MIR2052HG: variants seen among roughly 807,000 people sequenced by gnomAD.
MIR2052HG encodes MIR2052 host gene.
At chr8:74,697,347 T>A (rs1316752549) in intron 2 of MIR2052HG, among the ~76,000 whole-genome samples, 1 of 152,180 alleles carries the variant, frequency 6.6e-6, no homozygotes, top group Non-Finnish European at 1.5e-5. Context: ...AAAAGCCATC[T>A]ATGACAAATC....
intron 2 of MIR2052HG, among the ~76,000 whole-genome samples, chr8:74,648,278 G>T (rs546255556): frequency 1.6e-4 from 25 of 152,252 alleles, no homozygotes; most frequent in African/African-American, 5.8e-4. Context: ...CTGTGGTTGA[G>T]ATAAGGACTG....
chr8:74,602,322 G>A (rs533500825), intron 1 of MIR2052HG, among the ~76,000 whole-genome samples: 1 of 152,262 alleles, frequency 6.6e-6, no homozygotes, highest in South Asian at 2.1e-4. Context: ...AAATGCCGTG[G>A]CAAGGTATGG....
intron 1 of MIR2052HG, among the ~76,000 whole-genome samples, chr8:74,606,973 T>C (rs1808120503): frequency 6.6e-6 from 1 of 151,774 alleles, no homozygotes; most frequent in African/African-American, 2.4e-5. Context: ...AATTGAACAT[T>C]ACCAATAGCC....
At position 74,610,456 on chromosome 8, in the gene MIR2052HG, A is replaced by G. The variant is rs190582480; in HGVS notation, n.129-2397A>G. On this transcript the variant is annotated intron_variant and non_coding_transcript_variant, in intron 1 of 6. Coordinates refer to ENST00000523442, the Ensembl canonical transcript of MIR2052HG. ...GTCAAGTATCTAAATTAATCTATAA[A>G]TTTCTCAGCAGTCCTTTTCTTTTTA... 2.0e-5 allele frequency among the ~76,000 whole-genome samples: 3 copies of G among 152,058 alleles called. No homozygotes were observed. In the East Asian group the frequency reaches 5.8e-4, roughly 29 times the overall value.
intron 2 of MIR2052HG, among the ~76,000 whole-genome samples, chr8:74,618,854 G>T (rs1248101239): frequency 1.3e-5 from 2 of 152,056 alleles, no homozygotes; most frequent in African/African-American, 4.8e-5. Flanking sequence ...AAGTTTAATT[G>T]TCTCTGTTTG....
intron 4 of MIR2052HG, among the ~76,000 whole-genome samples, chr8:74,750,384 C>T (rs539900676): frequency 7.2e-5 from 11 of 152,000 alleles, no homozygotes; most frequent in Non-Finnish European, 1.0e-4. Context: ...ATTTTTTTCT[C>T]GCTGAAAAAT....
At chr8:74,732,164 C>A (rs1475573108) in intron 4 of MIR2052HG, among the ~76,000 whole-genome samples, 1 of 152,056 alleles carries the variant, frequency 6.6e-6, no homozygotes, top group Non-Finnish European at 1.5e-5. Context: ...TACAGCAAAA[C>A]ATAGCAAAAA....
At chr8:74,685,187 C>T (rs1385246045) in intron 2 of MIR2052HG, among the ~76,000 whole-genome samples, 1 of 152,158 alleles carries the variant, frequency 6.6e-6, no homozygotes, top group Admixed American at 6.5e-5. Flanking sequence ...CACTAAAGAG[C>T]AGTTTAGACA....
intron 2 of MIR2052HG, among the ~76,000 whole-genome samples, chr8:74,683,581 C>T (rs1809147803): frequency 6.6e-6 from 1 of 152,096 alleles, no homozygotes; most frequent in South Asian, 2.1e-4. Context: ...TCATTTTAAC[C>T]ATCCATGGAA....
chr8:74,678,538 G>T (rs2128738802), intron 2 of MIR2052HG, among the ~76,000 whole-genome samples: 1 of 138,962 alleles, frequency 7.2e-6, no homozygotes, highest in South Asian at 2.3e-4. Flanking sequence ...ACTCCAGCCT[G>T]GGCGATAAGA....
intron 4 of MIR2052HG, among the ~76,000 whole-genome samples, chr8:74,740,230 G>A (rs1267839334): frequency 4.6e-5 from 7 of 152,114 alleles, no homozygotes; most frequent in South Asian, 4.1e-4. Context: ...TTGAGAGGCC[G>A]AGGCAGGTGG....
intron 2 of MIR2052HG, among the ~76,000 whole-genome samples, chr8:74,652,220 C>T (rs1297460672): frequency 6.6e-6 from 1 of 152,178 alleles, no homozygotes; most frequent in Non-Finnish European, 1.5e-5. Context: ...ATTTGATAGT[C>T]CTGCCTGTGG....
At chr8:74,734,583 TC>T (rs1455996562) in intron 4 of MIR2052HG, among the ~76,000 whole-genome samples, 4 of 152,234 alleles carry the variant, frequency 2.6e-5, no homozygotes, top group Non-Finnish European at 5.9e-5. Context: ...CACCTCCTCC[TC>T]TTTCTTCCCA....
At chr8:74,755,859 G>A (rs567566753) in intron 5 of MIR2052HG, among the ~76,000 whole-genome samples, 3 of 152,248 alleles carry the variant, frequency 2.0e-5, no homozygotes, top group East Asian at 3.9e-4. Context: ...GGCCAATCAC[G>A]TGGCTGGGTA....
chr8:74,602,869 C>CTTTCTT lies in MIR2052HG; in HGVS notation n.128+2965_128+2970dup, dbSNP rs1808038171. ...TCTTTCTTTCTTTCTTTCTTTCTTT[C>CTTTCTT]TTTCTTTTTTCTATTCACAAAGAAA... is the stretch of plus-strand genomic sequence containing the variant. On this transcript the variant is annotated intron_variant and non_coding_transcript_variant, in intron 1 of 6. Transcript: ENST00000523442. 4.1e-5 allele frequency among the ~76,000 whole-genome samples: 6 copies of CTTTCTT among 147,602 alleles called. 1 individual carries two copies. In the South Asian group the frequency reaches 1.3e-3, roughly 32 times the overall value.
chr8:74,693,570 C>T (rs1343950633), intron 2 of MIR2052HG, among the ~76,000 whole-genome samples: 1 of 127,814 alleles, frequency 7.8e-6, no homozygotes. Context: ...CAGCCCTGCT[C>T]ATCTGCTGCC....
chr8:74,604,102 T>C, intron 1 of MIR2052HG: 1 of 927,662 alleles, frequency 1.1e-6, no homozygotes, highest in Non-Finnish European at 1.8e-6. Flanking sequence ...TTCTGAGATG[T>C]TGATAGGTGC....
At chr8:74,714,051 T>G (rs1228152657) in intron 4 of MIR2052HG, among the ~76,000 whole-genome samples, 1 of 152,118 alleles carries the variant, frequency 6.6e-6, no homozygotes, top group East Asian at 1.9e-4. Flanking sequence ...CCTTGTGTAT[T>G]CAACAACTAG....
At chr8:74,625,691 A>G (rs1219353281) in intron 2 of MIR2052HG, among the ~76,000 whole-genome samples, 3 of 152,206 alleles carry the variant, frequency 2.0e-5, no homozygotes, top group Non-Finnish European at 4.4e-5. Context: ...AAGTTAAAGA[A>G]TATTCTTACA....
Sources: gnomAD v4.1 joint callset for allele counts (sites outside exome capture counted in the v4.1 genomes callset) on GRCh38, gnomAD v4.1.1 for gene constraint, MANE v1.5 for transcripts, NCBI Gene and HGNC (gene_info 2026-07-23, HGNC 2026-07-21) for gene names.